Variants in DPP10 observed in about 807,000 individuals in gnomAD.
DPP10 encodes dipeptidyl peptidase like 10.
In DPP10, 33 loss-of-function variants were observed where a neutral mutation model predicts 120.9. The ratio of observed to expected loss-of-function variants is 0.27; its 90% CI spans 0.21 to 0.37. DPP10 has a LOEUF of 0.37. DPP10 is among the 10% of genes least tolerant of loss of function. The pLI, the probability that DPP10 is intolerant of heterozygous loss-of-function variation, is 1.00. For missense variants in DPP10, 816 were observed against 942.8 expected (o/e 0.87, Z 1.76); for synonymous variants, 337 against 326.1 (o/e 1.03, Z -0.36).
At chr2:114,726,299 T>A (rs1243337973) in intron 1 of DPP10, among the ~76,000 whole-genome samples, 1 of 151,938 alleles carries the variant, frequency 6.6e-6, no homozygotes, top group African/African-American at 2.4e-5. Flanking sequence ...GCCAGCCATA[T>A]GGTTCAGATG....
chr2:114,592,026 A>G (rs1277394455), intron 1 of DPP10, among the ~76,000 whole-genome samples: 1 of 111,122 alleles, frequency 9.0e-6, no homozygotes, highest in African/African-American at 4.4e-5. Flanking sequence ...ATGCATGCAG[A>G]CAGTGTTGAG....
chr2:115,183,253 T>C (rs1282572129), intron 1 of DPP10, among the ~76,000 whole-genome samples: 2 of 151,938 alleles, frequency 1.3e-5, no homozygotes, highest in African/African-American at 4.8e-5. Context: ...TAGAGATAGG[T>C]TTTTTATTCA....
chr2:115,069,583 A>G (rs921346495), intron 1 of DPP10, among the ~76,000 whole-genome samples: 1 of 152,114 alleles, frequency 6.6e-6, no homozygotes, highest in Non-Finnish European at 1.5e-5. Flanking sequence ...AGTAATCTCA[A>G]TACAATTACA....
chr2:114,987,386 T>G (rs1700469108), intron 1 of DPP10, among the ~76,000 whole-genome samples: 1 of 152,162 alleles, frequency 6.6e-6, no homozygotes, highest in African/African-American at 2.4e-5. Context: ...GACCTTAGGC[T>G]TGAGATAAAT....
At position 115,288,687 on chromosome 2, in the gene DPP10, A is replaced by G. The variant is rs1484567102; in HGVS notation, c.61-20552A>G. Among the ~76,000 whole-genome samples, 10 of 152,106 alleles carry G rather than the reference A, an allele frequency of 6.6e-5. No homozygotes were observed. In the East Asian group the frequency reaches 1.7e-3, roughly 27 times the overall value. On this transcript the variant is annotated intron_variant, in intron 1 of 25. Coordinates refer to ENST00000410059, the MANE Select transcript of DPP10 (RefSeq NM_020868.6). ...CAGTGAGCTGAGATCATGCCACTGC[A>G]CTCCATCCTTAGTGACAAAGCAAGA...
intron 1 of DPP10, among the ~76,000 whole-genome samples, chr2:115,025,624 A>C (rs1703404493): frequency 6.6e-6 from 1 of 152,140 alleles, no homozygotes; most frequent in Non-Finnish European, 1.5e-5. Flanking sequence ...TCCCACCAAC[A>C]GTGTACCAGG....
chr2:114,757,208 T>C (rs114907573), intron 1 of DPP10, among the ~76,000 whole-genome samples: 1 of 95,794 alleles, frequency 1.0e-5, no homozygotes, highest in Non-Finnish European at 2.1e-5. Context: ...GGGAGAAAAA[T>C]GGGCAGGAGG....
intron 1 of DPP10, among the ~76,000 whole-genome samples, chr2:114,591,109 G>A (rs1261075518): frequency 6.6e-6 from 1 of 152,178 alleles, no homozygotes; most frequent in Non-Finnish European, 1.5e-5. Context: ...CAGGGAGAAG[G>A]GTTAGTGGCA....
chr2:115,032,772 C>A (rs1426169942), intron 1 of DPP10, among the ~76,000 whole-genome samples: 1 of 151,448 alleles, frequency 6.6e-6, no homozygotes, highest in Non-Finnish European at 1.5e-5. Context: ...GTAATCCCAG[C>A]TACTCGGGAG....
At chr2:114,474,035 G>A (rs574403672) in intron 1 of DPP10, among the ~76,000 whole-genome samples, 89 of 152,232 alleles carry the variant, frequency 5.8e-4, no homozygotes, top group African/African-American at 2.0e-3. Context: ...TCGGCTCACT[G>A]CAACCTCCGC....
At chr2:115,035,057 GCCGATGACACC>G (rs2105266142) in intron 1 of DPP10, among the ~76,000 whole-genome samples, 1 of 152,328 alleles carries the variant, frequency 6.6e-6, no homozygotes, top group South Asian at 2.1e-4. Context: ...TTGGCATTTA[GCCGATGACACC>G]TTCCATGCTG....
At chr2:114,994,920 TG>T (rs1320006614) in intron 1 of DPP10, among the ~76,000 whole-genome samples, 3 of 152,230 alleles carry the variant, frequency 2.0e-5, no homozygotes, top group Non-Finnish European at 4.4e-5. Flanking sequence ...ATAGAATTTT[TG>T]TGTGAGACAA....
chr2:115,378,742 A>T (rs757346490), intron 3 of DPP10, among the ~76,000 whole-genome samples: 1 of 152,282 alleles, frequency 6.6e-6, no homozygotes, highest in Non-Finnish European at 1.5e-5. Flanking sequence ...TCCCTAATTT[A>T]TTGAGATTTT....
intron 3 of DPP10, among the ~76,000 whole-genome samples, chr2:115,449,356 C>T (rs1352429801): frequency 6.6e-6 from 1 of 151,902 alleles, no homozygotes; most frequent in Non-Finnish European, 1.5e-5. Context: ...ATCAGAGAAA[C>T]ATATGCTAAG....
intron 5 of DPP10, among the ~76,000 whole-genome samples, chr2:115,672,888 A>G (rs1225918140): frequency 6.6e-6 from 1 of 151,794 alleles, no homozygotes; most frequent in Non-Finnish European, 1.5e-5. Context: ...CTGGGACTAC[A>G]TGCAAGTGCC....
chr2:114,955,480 C>CCT (rs1698132725), intron 1 of DPP10, among the ~76,000 whole-genome samples: 1 of 152,192 alleles, frequency 6.6e-6, no homozygotes, highest in Non-Finnish European at 1.5e-5. Context: ...GGTTCACAGG[C>CCT]CTCTGACAGC....
At position 114,736,956 on chromosome 2, in the gene DPP10, A is replaced by C. The variant is rs545549006; in HGVS notation, c.60+294118A>C. ...TTACTAAATGTACAGTAATTGTGTC[A>C]AGTATTAGGAAGAACATAGAAACAT... On this transcript the variant is annotated intron_variant, in intron 1 of 25. Transcript: ENST00000410059. Among the ~76,000 whole-genome samples, 21 of 152,322 alleles carry C rather than the reference A, an allele frequency of 1.4e-4. No individual in the cohort carries two copies. The South Asian group carries it at 2.9e-3, about 21-fold the overall frequency.
intron 1 of DPP10, among the ~76,000 whole-genome samples, chr2:115,244,036 A>C (rs1237945611): frequency 6.6e-6 from 1 of 151,448 alleles, no homozygotes; most frequent in Non-Finnish European, 1.5e-5. Context: ...TGTGTTTGCT[A>C]TTAACTGACT....
At chr2:114,581,688 A>C (rs1023094599) in intron 1 of DPP10, among the ~76,000 whole-genome samples, 15 of 152,146 alleles carry the variant, frequency 9.9e-5, no homozygotes, top group African/African-American at 3.6e-4. Context: ...CTAACTAATG[A>C]GCTAAATAAA....
Sources: gnomAD v4.1 joint callset for allele counts (sites outside exome capture counted in the v4.1 genomes callset) on GRCh38, gnomAD v4.1.1 for gene constraint, MANE v1.5 for transcripts, NCBI Gene and HGNC (gene_info 2026-07-23, HGNC 2026-07-21) for gene names.